Variants in RAP1GAP2 observed in about 807,000 individuals in gnomAD.
RAP1GAP2 encodes rap1 GTPase-activating protein 2.
A neutral mutation model predicts 95.0 loss-of-function variants in RAP1GAP2; 27 were observed. That is an observed-to-expected ratio of 0.28 (90% CI 0.21 to 0.39). The LOEUF (loss-of-function observed/expected upper bound fraction) is 0.39. RAP1GAP2 is among the 10% of genes least tolerant of loss of function. RAP1GAP2 has a pLI of 1.00. For missense variants in RAP1GAP2, 771 were observed against 970.0 expected (o/e 0.79, Z 2.72); for synonymous variants, 373 against 380.9 (o/e 0.98, Z 0.24).
intron 2 of RAP1GAP2, among the ~76,000 whole-genome samples, chr17:2,859,358 A>G (rs933501253): frequency 6.6e-6 from 1 of 151,870 alleles, no homozygotes; most frequent in Admixed American, 6.6e-5. Flanking sequence ...TGATCCACCT[A>G]CCTTGGCCTC....
At chr17:3,019,212 C>G (rs562267385) in intron 18 of RAP1GAP2, among the ~76,000 whole-genome samples, 1 of 152,160 alleles carries the variant, frequency 6.6e-6, no homozygotes, top group African/African-American at 2.4e-5. Context: ...GTACCAGGGG[C>G]TGGGAAGGGG....
At chr17:2,951,457 A>G (rs1009217618) in intron 3 of RAP1GAP2, among the ~76,000 whole-genome samples, 4 of 152,258 alleles carry the variant, frequency 2.6e-5, no homozygotes, top group South Asian at 2.1e-4. Context: ...GGTGGCTCAC[A>G]CCTGTAATCC....
intron 12 of RAP1GAP2, among the ~76,000 whole-genome samples, chr17:2,993,824 C>T (rs2045862486): frequency 1.3e-5 from 2 of 152,098 alleles, no homozygotes; most frequent in Non-Finnish European, 2.9e-5. Flanking sequence ...CGCTTGAGCC[C>T]AGGAGTTTGA....
At chr17:2,999,233 G>A (rs1367097334) in intron 14 of RAP1GAP2, among the ~76,000 whole-genome samples, 1 of 152,154 alleles carries the variant, frequency 6.6e-6, no homozygotes. Context: ...TCTGCTCCAC[G>A]AGAAAGAATC....
rs1326697614 is a variant in RAP1GAP2, at chr17:3,032,546, G to C, written c.*30+97G>C. On this transcript the variant is annotated intron_variant, in intron 24 of 24. Transcript: ENST00000254695. ...GCCTTGTAACCTCAGAATGGCCGGA[G>C]AGATGCCGCCAGCTGGGGATGTCCA... is the stretch of plus-strand genomic sequence containing the variant. 3 of 1,203,844 alleles carry C rather than the reference G, an allele frequency of 2.5e-6. No homozygotes were observed. In the East Asian group the frequency reaches 7.2e-5, roughly 29 times the overall value. 74.6% of individuals were successfully genotyped at this position (1,203,844 alleles called of 1,614,324 possible). A position where few individuals can be genotyped will look rare whatever the true frequency, so the allele number is the denominator to read the frequency against.
At chr17:2,884,194 T>C (rs2073402082) in intron 2 of RAP1GAP2, among the ~76,000 whole-genome samples, 1 of 152,170 alleles carries the variant, frequency 6.6e-6, no homozygotes, top group African/African-American at 2.4e-5. Context: ...GGGCAGGGAA[T>C]ACTCAGCGTA....
chr17:2,849,804 A>C (rs1303897065), intron 2 of RAP1GAP2, among the ~76,000 whole-genome samples: 1 of 150,552 alleles, frequency 6.6e-6, no homozygotes, highest in Non-Finnish European at 1.5e-5. Flanking sequence ...GCCGTCAGAG[A>C]CTTCTGCCGT....
rs1372468404 is a variant in RAP1GAP2, at chr17:3,033,012, A to T, written c.*31-380A>T. ...GGGGAAGTCACCAGAGACCCATCTGAGCTCCCAGCCCTCTCCCCACATGGG... is the reference window on the plus strand; with the variant it reads ...GGGGAAGTCACCAGAGACCCATCTGTGCTCCCAGCCCTCTCCCCACATGGG... On this transcript the variant is annotated intron_variant, in intron 24 of 24. Transcript: ENST00000254695. This position sits in a 1 kb window ranked among gnomAD's most constrained non-coding sequence, Gnocchi z 4.9. 1 of 158,562 alleles carries T rather than the reference A, an allele frequency of 6.3e-6. No individual in the cohort carries two copies. Among genetic ancestry groups the T allele is most frequent in the Non-Finnish European group, 1.4e-5 (1 of 71,638 alleles). The allele number at this position is 158,562 out of a possible 1,614,324, so 9.8% of individuals were successfully genotyped here.
chr17:2,912,466 T>C (rs1301461367), intron 3 of RAP1GAP2, among the ~76,000 whole-genome samples: 1 of 151,948 alleles, frequency 6.6e-6, no homozygotes. Flanking sequence ...ATCCACCAGC[T>C]CTGGATGGAT....
intron 21 of RAP1GAP2, 24 bp downstream of exon 21, chr17:3,026,488 G>A: frequency 1.3e-6 from 2 of 1,516,720 alleles, no homozygotes; most frequent in Non-Finnish European, 1.8e-6. Context: ...GTCCACCCTT[G>A]GGCAGGCACT....
In RAP1GAP2 at chr17:2,926,500, A is replaced by G. The variant is rs111767359; in HGVS notation, c.165+21132A>G. Among the ~76,000 whole-genome samples, 119 of 152,280 alleles carry G rather than the reference A, an allele frequency of 7.8e-4. 2 individuals are homozygous for G. Among genetic ancestry groups the G allele is most frequent in the African/African-American group, 2.4e-3 (98 of 41,560 alleles). ...TCGCAGTTTTGAGGATGGGAGTGAG[A>G]CTAGCAGTTCAGAGGCACGGTGCCA... is the stretch of plus-strand genomic sequence containing the variant. On this transcript the variant is annotated intron_variant, in intron 3 of 24. Coordinates refer to ENST00000254695, the MANE Select transcript of RAP1GAP2 (RefSeq NM_015085.5).
At position 3,034,566 on chromosome 17, in the gene RAP1GAP2, C is replaced by G. The variant is rs1016524077; in HGVS notation, c.*1205C>G. The G allele has an allele frequency of 6.4e-6, 1 of 155,462 alleles. No homozygotes were observed. Among genetic ancestry groups the G allele is most frequent in the Non-Finnish European group, 1.4e-5 (1 of 69,318 alleles). 9.6% of individuals were successfully genotyped at this position (155,462 alleles called of 1,614,324 possible). On this transcript the variant is annotated 3_prime_UTR_variant, in exon 25 of 25. Transcript: ENST00000254695. The surrounding 1 kb of genome is among the most constrained non-coding windows in gnomAD (Gnocchi z 5.1). ...CAGCTGCGTCTGGGGCTCAACCCCC[C>G]AATCCTGTTCCCCTCTCCAGCTGCG...
At chr17:2,859,229 A>G (rs1193731450) in intron 2 of RAP1GAP2, among the ~76,000 whole-genome samples, 3 of 149,588 alleles carry the variant, frequency 2.0e-5, no homozygotes, top group African/African-American at 7.4e-5. Flanking sequence ...TCGGGCCTCA[A>G]CCTCTCAAGT....
intron 2 of RAP1GAP2, among the ~76,000 whole-genome samples, chr17:2,814,258 A>C (rs903644268): frequency 3.3e-5 from 5 of 152,092 alleles, no homozygotes; most frequent in Non-Finnish European, 7.3e-5. Flanking sequence ...TGCCTCTGTC[A>C]GTTCTGGTTT....
chr17:2,977,777 A>G (rs1047346747), intron 8 of RAP1GAP2, among the ~76,000 whole-genome samples: 2 of 150,054 alleles, frequency 1.3e-5, no homozygotes, highest in Non-Finnish European at 3.0e-5. Flanking sequence ...AAAAAAGATG[A>G]GAAGCAACCC....
At chr17:2,819,158 A>C (rs2070172577) in intron 2 of RAP1GAP2, among the ~76,000 whole-genome samples, 1 of 151,576 alleles carries the variant, frequency 6.6e-6, no homozygotes, top group East Asian at 1.9e-4. Flanking sequence ...ACCTGGGACT[A>C]CAGGCGCCCG....
intron 1 of RAP1GAP2, among the ~76,000 whole-genome samples, chr17:2,778,190 G>A (rs1177583669): frequency 6.6e-6 from 1 of 151,680 alleles, no homozygotes; most frequent in South Asian, 2.1e-4. Flanking sequence ...GGTGGGGTGG[G>A]GTGGGCATCT....
In RAP1GAP2 at chr17:2,871,265, A is replaced by G. The variant is rs891715108; in HGVS notation, c.81-34019A>G. On this transcript the variant is annotated intron_variant, in intron 2 of 24. Coordinates refer to ENST00000254695, the MANE Select transcript of RAP1GAP2 (RefSeq NM_015085.5). This position sits in a 1 kb window ranked among gnomAD's most constrained non-coding sequence, Gnocchi z 5.0. ...GCCACTGCGCCCAGCCAAGGGCTAA[A>G]CATTTTAATGGCTGAATTTCCCCCA... Among the ~76,000 whole-genome samples, 1 of 152,194 alleles carries G rather than the reference A, an allele frequency of 6.6e-6. No individual in the cohort carries two copies. Among genetic ancestry groups the G allele is most frequent in the Non-Finnish European group, 1.5e-5 (1 of 68,038 alleles).
intron 3 of RAP1GAP2, among the ~76,000 whole-genome samples, chr17:2,915,969 G>C (rs1423510758): frequency 6.6e-6 from 1 of 152,088 alleles, no homozygotes; most frequent in Non-Finnish European, 1.5e-5. Context: ...CAAAGTGCTG[G>C]GATTACAGGC....
Sources: allele counts gnomAD v4.1 joint callset (sites outside exome capture counted in the v4.1 genomes callset), GRCh38; gene constraint gnomAD v4.1.1; non-coding constraint Gnocchi (gnomAD v3.1); transcripts MANE v1.5; gene names NCBI Gene and HGNC (gene_info 2026-07-23, HGNC 2026-07-21).